The following MAL2 variants were observed in gnomAD, a reference collection of about 807,000 sequenced individuals.
The protein encoded by MAL2 is protein MAL2.
In MAL2, 17 loss-of-function variants were observed where a neutral mutation model predicts 18.1. The ratio of observed to expected loss-of-function variants is 0.94; its 90% CI spans 0.64 to 1.41. The LOEUF is 1.41. MAL2 is among the 40% of genes most tolerant of loss of function. The pLI is 0.00. For synonymous variants in MAL2, 102 were observed against 102.3 expected (o/e 1.00, Z 0.02); for missense variants, 222 against 231.9 (o/e 0.96, Z 0.28).
chr8:119,221,902 GGT>G, intron 2 of MAL2, 145 bp downstream of exon 2: 1 of 850,604 alleles, frequency 1.2e-6, no homozygotes, highest in Non-Finnish European at 1.8e-6. Flanking sequence ...GTGCTGCGGT[GGT>G]GTGTGGCTGC....
intron 2 of MAL2, among the ~76,000 whole-genome samples, chr8:119,235,249 A>G (rs1361428239): frequency 6.6e-6 from 1 of 152,162 alleles, no homozygotes; most frequent in East Asian, 1.9e-4. Flanking sequence ...AAGTTTAGAG[A>G]AAAAAGAATA....
chr8:119,238,372 A>G (rs1430706026), intron 2 of MAL2, among the ~76,000 whole-genome samples: 1 of 152,322 alleles, frequency 6.6e-6, no homozygotes, highest in African/African-American at 2.4e-5. Flanking sequence ...TATAGATTCA[A>G]TGCCATCCCC....
chr8:119,209,642 A>AT (rs1441506483), intron 1 of MAL2, among the ~76,000 whole-genome samples: 9 of 152,156 alleles, frequency 5.9e-5, no homozygotes, highest in African/African-American at 2.2e-4. Flanking sequence ...TTGAGCTTGC[A>AT]TAACCTTTAT....
chr8:119,238,316 A>G (rs1817959037), intron 2 of MAL2, among the ~76,000 whole-genome samples: 1 of 152,216 alleles, frequency 6.6e-6, no homozygotes, highest in Non-Finnish European at 1.5e-5. Context: ...GCTCATGGGT[A>G]GGAAGAACCA....
intron 2 of MAL2, among the ~76,000 whole-genome samples, chr8:119,237,493 A>T (rs1817933900): frequency 6.6e-6 from 1 of 151,578 alleles, no homozygotes; most frequent in Non-Finnish European, 1.5e-5. Context: ...CAAAAAAGAG[A>T]ATTTTAGACC....
At chr8:119,235,479 T>C (rs1817864085) in intron 2 of MAL2, among the ~76,000 whole-genome samples, 1 of 151,640 alleles carries the variant, frequency 6.6e-6, no homozygotes, top group Admixed American at 6.6e-5. Context: ...GAAGAGCAAC[T>C]CCAAGACACA....
chr8:119,233,858 G>T (rs1343543253), intron 2 of MAL2, among the ~76,000 whole-genome samples: 4 of 152,076 alleles, frequency 2.6e-5, no homozygotes, highest in East Asian at 1.9e-4. Flanking sequence ...CCAAAGCCGG[G>T]AAGAGACACA....
In MAL2 at chr8:119,211,673, A is replaced by G. The variant is rs534078179; in HGVS notation, c.132+3069A>G. On this transcript the variant is annotated intron_variant, in intron 1 of 3. Transcript: ENST00000614891. ...AGCACTGGCTTCTTAAGTGGAGAAT[A>G]TTACAATCTCACGTGCATAGTGATT... Among the ~76,000 whole-genome samples the G allele has an allele frequency of 1.1e-3, 167 of 149,346 alleles. 3 individuals carry two copies. The South Asian group carries it at 0.024, about 21-fold the overall frequency.
At position 119,221,360 on chromosome 8, in the gene MAL2, A is replaced by G. The variant is rs1817460945; in HGVS notation, c.133-227A>G. On this transcript the variant is annotated intron_variant, in intron 1 of 3. Coordinates refer to ENST00000614891, the MANE Select transcript of MAL2 (RefSeq NM_052886.3). ...AGAAGCGAGTCCAACCTGAAGATAC[A>G]GGTGTGGAGTTGGATCAGTTCTCCA... is the stretch of plus-strand genomic sequence containing the variant. The G allele has an allele frequency of 8.3e-6, 4 of 484,764 alleles. No individual in the cohort carries two copies. In the South Asian group the frequency reaches 1.5e-4, roughly 18 times the overall value. The allele number at this position is 484,764 out of a possible 1,614,324, so 30.0% of individuals were successfully genotyped here. A position where few individuals can be genotyped will look rare whatever the true frequency, so the allele number is the denominator to read the frequency against.
intron 1 of MAL2, among the ~76,000 whole-genome samples, chr8:119,210,209 AATAT>A (rs1817248910): frequency 6.6e-6 from 1 of 152,150 alleles, no homozygotes; most frequent in Non-Finnish European, 1.5e-5. Context: ...TGTTTATTCA[AATAT>A]ATGTATGTAT....
At chr8:119,228,268 C>T (rs1817637994) in intron 2 of MAL2, among the ~76,000 whole-genome samples, 1 of 152,114 alleles carries the variant, frequency 6.6e-6, no homozygotes, top group Non-Finnish European at 1.5e-5. Context: ...GCTTGTAGCT[C>T]AATGGGACCA....
Position 119,245,642 on chromosome 8 carries a change from G to A in MAL2, c.*2154G>A, listed in dbSNP as rs1818137431. The A allele has an allele frequency of 6.6e-6, 1 of 152,164 alleles. No homozygotes were observed. The highest frequency in any genetic ancestry group is 2.4e-5 in the African/African-American group (1 of 41,420). The allele number at this position is 152,164 out of a possible 1,614,324, so 9.4% of individuals were successfully genotyped here. ...ATGAAAAGAAATTTATTTTATACGT[G>A]TTATGTCTCTAATAAAGTATTCATT... On this transcript the variant is annotated 3_prime_UTR_variant, in exon 4 of 4. Transcript: ENST00000614891.
chr8:119,209,735 C>T (rs1817241899), intron 1 of MAL2, among the ~76,000 whole-genome samples: 2 of 152,146 alleles, frequency 1.3e-5, no homozygotes, highest in African/African-American at 2.4e-5. Flanking sequence ...GGTAGCCACA[C>T]CACCCTAAGT....
intron 2 of MAL2, among the ~76,000 whole-genome samples, chr8:119,228,396 G>A (rs1817640657): frequency 6.6e-6 from 1 of 152,196 alleles, no homozygotes; most frequent in Non-Finnish European, 1.5e-5. Flanking sequence ...GCGATGACAA[G>A]TGGAGAAACT....
chr8:119,238,565 G>T (rs113413108), intron 2 of MAL2, among the ~76,000 whole-genome samples: 123,043 of 142,430 alleles, frequency 0.86, 54,210 homozygotes, highest in East Asian at 0.96. Flanking sequence ...ATGGTACTGG[G>T]ACCAAAACAG....
At chr8:119,233,537 A>G (rs1174507805) in intron 2 of MAL2, among the ~76,000 whole-genome samples, 1 of 152,238 alleles carries the variant, frequency 6.6e-6, no homozygotes, top group Non-Finnish European at 1.5e-5. Context: ...ATCAGAGAAT[A>G]CTACAAACAC....
intron 2 of MAL2, among the ~76,000 whole-genome samples, chr8:119,234,864 CAG>C (rs1163547869): frequency 1.3e-5 from 2 of 151,866 alleles, no homozygotes; most frequent in African/African-American, 4.9e-5. Context: ...GGGGAAAAAA[CAG>C]AACATAAAAA....
intron 1 of MAL2, among the ~76,000 whole-genome samples, chr8:119,212,660 G>A (rs1320252608): frequency 1.3e-5 from 2 of 152,172 alleles, no homozygotes; most frequent in African/African-American, 4.8e-5. Flanking sequence ...AGAACAGGCA[G>A]CTTTAATGAG....
At chr8:119,236,994 G>A (rs552999831) in intron 2 of MAL2, among the ~76,000 whole-genome samples, 3 of 151,630 alleles carry the variant, frequency 2.0e-5, no homozygotes, top group African/African-American at 7.3e-5. Context: ...AAAAATCAGT[G>A]AATCCAGGAG....
Sources: gnomAD v4.1 joint callset for allele counts (sites outside exome capture counted in the v4.1 genomes callset) on GRCh38, gnomAD v4.1.1 for gene constraint, MANE v1.5 for transcripts, NCBI Gene and HGNC (gene_info 2026-07-23, HGNC 2026-07-21) for gene names.